Variants in EXOC2 observed in about 807,000 individuals in gnomAD.
EXOC2 encodes SEC5-like 1.
Under a neutral mutation model 131.8 loss-of-function variants are expected in EXOC2, and 70 were observed. The ratio of observed to expected loss-of-function variants is 0.53; its 90% CI spans 0.44 to 0.65. EXOC2 has a LOEUF of 0.65. EXOC2 is among the 30% of genes least tolerant of loss of function. The pLI, the probability that EXOC2 is intolerant of heterozygous loss-of-function variation, is 0.00. For missense variants in EXOC2, 923 were observed against 1,108.6 expected, an observed-to-expected ratio of 0.83 and a Z score of 2.38; for synonymous variants, 411 against 398.4, an observed-to-expected ratio of 1.03 and a Z score of -0.38.
At chr6:629,733 G>T in intron 4 of EXOC2, 102 bp downstream of exon 4, 1 of 1,427,250 alleles carries the variant, frequency 7.0e-7, no homozygotes, top group Non-Finnish European at 9.5e-7. Context: ...CTTCAACTGT[G>T]TTTCCTGGGA....
intron 22 of EXOC2, among the ~76,000 whole-genome samples, chr6:546,732 C>G (rs1379763833): frequency 6.6e-6 from 1 of 152,196 alleles, no homozygotes; most frequent in Non-Finnish European, 1.5e-5. Flanking sequence ...TCTCTTTTCT[C>G]CAGCTTACTA....
chr6:683,578 C>T (rs1021933064), intron 1 of EXOC2, among the ~76,000 whole-genome samples: 1 of 150,648 alleles, frequency 6.6e-6, no homozygotes, highest in South Asian at 2.1e-4. Flanking sequence ...AGAAACCAAC[C>T]GTCAGCTTAA....
intron 27 of EXOC2, among the ~76,000 whole-genome samples, chr6:487,360 G>A (rs1050156997): frequency 6.6e-6 from 1 of 152,176 alleles, no homozygotes; most frequent in Non-Finnish European, 1.5e-5. Context: ...TCGCTTTGCT[G>A]CCTGATATCG....
chr6:613,507 T>G, intron 6 of EXOC2, among the ~76,000 whole-genome samples: 1 of 152,196 alleles, frequency 6.6e-6, no homozygotes, highest in East Asian at 1.9e-4. Flanking sequence ...TTTGTACCTG[T>G]CCCCTGTGCC....
rs1761922166 is a variant in EXOC2 at position 632,864 on chromosome 6, A to C, written c.295+77T>G. ...TATGCAAGTAGGTAGGTTTTACACG[A>C]ATCTACCAGCTTTACAGCTTAAAAG... On this transcript the variant is annotated intron_variant, in intron 3 of 27. Coordinates refer to ENST00000230449, the MANE Select transcript of EXOC2 (RefSeq NM_018303.6). 4.2e-6 allele frequency: 6 copies of C among 1,434,896 alleles called. No individual in the cohort carries two copies. In the East Asian group the frequency reaches 1.4e-4, roughly 33 times the overall value. The allele number at this position is 1,434,896 out of a possible 1,614,324, so 88.9% of individuals were successfully genotyped here.
At chr6:630,082 G>A (rs936952795) in intron 3 of EXOC2, 121 bp from the exon 4 acceptor site, 11 of 1,194,040 alleles carry the variant, frequency 9.2e-6, no homozygotes, top group African/African-American at 1.6e-5. Context: ...TAATCTTTAA[G>A]AGATTTGAGG....
At chr6:670,402 T>G (rs1185090323) in intron 1 of EXOC2, 1 of 152,094 alleles carries the variant, frequency 6.6e-6, no homozygotes, top group African/African-American at 2.4e-5. Flanking sequence ...CCTACTGAGG[T>G]CACAGCAAGA....
In EXOC2 at chr6:497,455, A is replaced by G. The variant is rs780656445; in HGVS notation, c.2471T>C (p.Val824Ala). 10 of 1,613,646 alleles carry G rather than the reference A, an allele frequency of 6.2e-6. No homozygotes were observed. In the African/African-American group the frequency reaches 1.2e-4, roughly 19 times the overall value. ...AACTGCTTCTATCACCTTGGATAGT[A>G]CCCGAGGGACCAGTTCTTTGGAAAT... ...FTISKELVPR[V>A]LSKVIEAVSE... The change falls in exon 25 of 28, where the codon GTA (valine) becomes GCA (alanine). Residue 824 changes from valine (V) to alanine (A), a missense_variant. Transcript: ENST00000230449.
At chr6:542,357 T>G (rs1429447380) in intron 22 of EXOC2, among the ~76,000 whole-genome samples, 1 of 152,226 alleles carries the variant, frequency 6.6e-6, no homozygotes, top group Non-Finnish European at 1.5e-5. Context: ...TAATGCAATG[T>G]GTGACATGCT....
chr6:663,668 CAG>C (rs1763514464), intron 1 of EXOC2, among the ~76,000 whole-genome samples: 1 of 152,130 alleles, frequency 6.6e-6, no homozygotes, highest in Non-Finnish European at 1.5e-5. Context: ...ACCACATAAA[CAG>C]AATTAAAAAC....
intron 7 of EXOC2, among the ~76,000 whole-genome samples, chr6:604,683 C>T (rs775565283): frequency 1.4e-5 from 2 of 145,836 alleles, no homozygotes; most frequent in African/African-American, 5.1e-5. Context: ...TCCTGGGCTG[C>T]GGCCTATCTC....
At chr6:599,846 T>C (rs1760031714) in intron 7 of EXOC2, among the ~76,000 whole-genome samples, 1 of 145,414 alleles carries the variant, frequency 6.9e-6, no homozygotes. Context: ...GAGCTGCACA[T>C]TTCCTAAGTT....
intron 7 of EXOC2, among the ~76,000 whole-genome samples, chr6:609,462 T>C (rs1267736062): frequency 6.6e-6 from 1 of 152,258 alleles, no homozygotes; most frequent in African/African-American, 2.4e-5. Flanking sequence ...GATTAATTCA[T>C]CTGATCACTT....
At chr6:541,623 G>A (rs748532960) in intron 22 of EXOC2, among the ~76,000 whole-genome samples, 4 of 150,504 alleles carry the variant, frequency 2.7e-5, no homozygotes, top group African/African-American at 4.8e-5. Context: ...GGACCACATC[G>A]CAGCTGAGGT....
At chr6:600,329 A>C (rs1407619697) in intron 7 of EXOC2, among the ~76,000 whole-genome samples, 1 of 152,228 alleles carries the variant, frequency 6.6e-6, no homozygotes, top group Non-Finnish European at 1.5e-5. Context: ...GATGAGAAAA[A>C]ATATATTTCC....
At chr6:620,833 G>A (rs988766737) in intron 4 of EXOC2, among the ~76,000 whole-genome samples, 1 of 152,212 alleles carries the variant, frequency 6.6e-6, no homozygotes, top group African/African-American at 2.4e-5. Context: ...TTAAGGGTGG[G>A]ATGGACAGAG....
chr6:643,223 C>G (rs1290875580), intron 1 of EXOC2, among the ~76,000 whole-genome samples: 3 of 152,010 alleles, frequency 2.0e-5, no homozygotes, highest in Non-Finnish European at 2.9e-5. Context: ...AAACAAAAAA[C>G]ATAGAAGATA....
chr6:619,715 C>T (rs1195760116), intron 4 of EXOC2, among the ~76,000 whole-genome samples, 172 bp from the exon 5 acceptor site: 1 of 152,170 alleles, frequency 6.6e-6, no homozygotes, highest in Admixed American at 6.5e-5. Context: ...ATATTTCCCA[C>T]ATCATGGCTG....
At position 599,245 on chromosome 6, in the gene EXOC2, G is replaced by A. The variant is rs374113586; in HGVS notation, c.743-20C>T. The A allele has an allele frequency of 6.6e-7, 1 of 1,517,084 alleles. No individual in the cohort carries two copies. Among genetic ancestry groups the A allele is most frequent in the East Asian group, 2.3e-5 (1 of 42,862 alleles). 94.0% of individuals were successfully genotyped at this position (1,517,084 alleles called of 1,614,324 possible). A position where few individuals can be genotyped will look rare whatever the true frequency, so the allele number is the denominator to read the frequency against. On this transcript the variant is annotated intron_variant, in intron 7 of 27. Coordinates refer to ENST00000230449, the MANE Select transcript of EXOC2 (RefSeq NM_018303.6). Reference sequence around the variant, plus strand: ...TTGCTCCTGTTTTAAAAAGAGGAAAGGAAACTTAGATGAAAGCTGATTTTA... The same window carrying A: ...TTGCTCCTGTTTTAAAAAGAGGAAAAGAAACTTAGATGAAAGCTGATTTTA...
Sources: gnomAD v4.1 joint callset for allele counts (sites outside exome capture counted in the v4.1 genomes callset) on GRCh38, gnomAD v4.1.1 for gene constraint, MANE v1.5 for transcripts, NCBI Gene and HGNC (gene_info 2026-07-23, HGNC 2026-07-21) for gene names.